Variants in MYMX observed in about 807,000 individuals in gnomAD.
MYMX encodes the protein protein myomixer.
At chr6:44,210,832 A>T in the MYMX span, among the ~76,000 whole-genome samples, 1 of 152,218 alleles carries the variant, frequency 6.6e-6, no homozygotes, top group Admixed American at 6.5e-5. Flanking sequence ...TTGCCACTTC[A>T]AAATTGTACT....
At chr6:44,213,342 C>T (rs755250224), upstream of MYMX, among the ~76,000 whole-genome samples, 11 of 150,450 alleles carry the variant, frequency 7.3e-5, no homozygotes, top group South Asian at 2.1e-4. Context: ...GCTGAGATCA[C>T]GCCATTGCAC....
chr6:44,193,173 C>T, the MYMX span, among the ~76,000 whole-genome samples: 4 of 152,112 alleles, frequency 2.6e-5, no homozygotes, highest in African/African-American at 9.7e-5. Context: ...GCCAATTGAA[C>T]CATATACTTG....
chr6:44,195,058 C>T, the MYMX span, among the ~76,000 whole-genome samples: 1 of 151,946 alleles, frequency 6.6e-6, no homozygotes. Flanking sequence ...CTCTGTTGCT[C>T]AGGCTGGAGT....
At chr6:44,208,271 A>G in the MYMX span, among the ~76,000 whole-genome samples, 1 of 151,792 alleles carries the variant, frequency 6.6e-6, no homozygotes, top group South Asian at 2.1e-4. Flanking sequence ...AGAAAGAAAG[A>G]AAAAAACATT....
chr6:44,216,290 A>C (rs1436662686), upstream of MYMX, among the ~76,000 whole-genome samples: 3 of 152,204 alleles, frequency 2.0e-5, no homozygotes, highest in Non-Finnish European at 2.9e-5. Flanking sequence ...ACTCCCACTT[A>C]CTGAGGCTAC....
At chr6:44,209,278 G>C in the MYMX span, among the ~76,000 whole-genome samples, 3 of 151,970 alleles carry the variant, frequency 2.0e-5, no homozygotes, top group African/African-American at 2.4e-5. Context: ...GCTCTTAAAG[G>C]ACTCAGGGAC....
chr6:44,194,483 G>A, the MYMX span, among the ~76,000 whole-genome samples: 24 of 152,182 alleles, frequency 1.6e-4, no homozygotes, highest in African/African-American at 3.4e-4. Context: ...ATGGTGTGGC[G>A]TGGCAAGGTC....
chr6:44,214,551 C>A (rs188085842), upstream of MYMX, among the ~76,000 whole-genome samples: 1 of 152,096 alleles, frequency 6.6e-6, no homozygotes, highest in Non-Finnish European at 1.5e-5. Flanking sequence ...TAATTGCTCC[C>A]CTGCAGGGTG....
the MYMX span, among the ~76,000 whole-genome samples, chr6:44,202,389 C>G: frequency 6.6e-6 from 1 of 152,074 alleles, no homozygotes; most frequent in Non-Finnish European, 1.5e-5. Context: ...TTAGTGCCAG[C>G]CCACAGTCCT....
At chr6:44,194,008 T>C in the MYMX span, among the ~76,000 whole-genome samples, 1 of 151,838 alleles carries the variant, frequency 6.6e-6, no homozygotes, top group African/African-American at 2.4e-5. Flanking sequence ...GTAATTTCCA[T>C]AGGTAGAGTT....
At chr6:44,213,444 C>T (rs536034256), upstream of MYMX, among the ~76,000 whole-genome samples, 3 of 142,076 alleles carry the variant, frequency 2.1e-5, no homozygotes, top group South Asian at 2.1e-4. Context: ...TTTTTTCAGA[C>T]GGAGTCTCGC....
intron 1 of MYMX, 83 bp from the exon 2 acceptor site, chr6:44,217,367 G>A (rs1462167559): frequency 2.5e-6 from 1 of 397,892 alleles, no homozygotes; most frequent in Non-Finnish European, 4.4e-6. Context: ...CTGAAGGGAG[G>A]GGGAACTCCT....
upstream of MYMX, among the ~76,000 whole-genome samples, chr6:44,212,799 G>T (rs1037952198): frequency 1.3e-5 from 2 of 151,096 alleles, no homozygotes; most frequent in African/African-American, 4.9e-5. Flanking sequence ...TGAGGCAGGA[G>T]GATCACCTGA....
At chr6:44,196,386 C>A in the MYMX span, among the ~76,000 whole-genome samples, 1 of 152,290 alleles carries the variant, frequency 6.6e-6, no homozygotes, top group African/African-American at 2.4e-5. Context: ...GTGTTATAAA[C>A]TCTTTCTTTA....
At chr6:44,207,264 T>C in the MYMX span, among the ~76,000 whole-genome samples, 1 of 152,124 alleles carries the variant, frequency 6.6e-6, no homozygotes, top group Non-Finnish European at 1.5e-5. Context: ...GTTCACGCCA[T>C]TCTCCTGCCT....
At chr6:44,206,418 G>C in the MYMX span, among the ~76,000 whole-genome samples, 1 of 151,998 alleles carries the variant, frequency 6.6e-6, no homozygotes, top group Non-Finnish European at 1.5e-5. Flanking sequence ...TTTTAGTAGA[G>C]ACGGGGTTTT....
At chr6:44,215,614 G>C (rs1180471009), upstream of MYMX, among the ~76,000 whole-genome samples, 1 of 150,908 alleles carries the variant, frequency 6.6e-6, no homozygotes, top group East Asian at 2.0e-4. Flanking sequence ...TAAAAAACAG[G>C]CTGGGCGTTG....
chr6:44,201,432 G>C, the MYMX span, among the ~76,000 whole-genome samples: 2 of 152,108 alleles, frequency 1.3e-5, no homozygotes, highest in Non-Finnish European at 2.9e-5. Flanking sequence ...CTGGCTCCTT[G>C]TCAGAACTCC....
the MYMX span, among the ~76,000 whole-genome samples, chr6:44,205,238 A>G: frequency 6.7e-6 from 1 of 149,758 alleles, no homozygotes; most frequent in Non-Finnish European, 1.5e-5. Flanking sequence ...CGTTCTTTGA[A>G]AAAAAAAAAA....
Sources: allele counts gnomAD v4.1 joint callset (sites outside exome capture counted in the v4.1 genomes callset), GRCh38; gene constraint gnomAD v4.1.1; transcripts MANE v1.5; gene names NCBI Gene and HGNC (gene_info 2026-07-23, HGNC 2026-07-21).